TRAPPC9: variants seen among roughly 807,000 people sequenced by gnomAD.
TRAPPC9 encodes the protein trafficking protein particle complex subunit 9, also known as IKK2 binding protein.
Under a neutral mutation model 124.0 loss-of-function variants are expected in TRAPPC9, and 83 were observed. The ratio of observed to expected loss-of-function variants is 0.67; its 90% CI spans 0.56 to 0.80. The LOEUF is 0.80. Ranked by LOEUF, TRAPPC9 falls within the 30% of genes least tolerant of loss-of-function variation. TRAPPC9 has a pLI of 0.00. For synonymous variants in TRAPPC9, 638 were observed against 617.5 expected (o/e 1.03, Z -0.49); for missense variants, 1,302 against 1,508.3 (o/e 0.86, Z 2.27).
intron 16 of TRAPPC9, among the ~76,000 whole-genome samples, chr8:140,251,186 G>A (rs187325505): frequency 1.7e-3 from 253 of 152,328 alleles, no homozygotes; most frequent in African/African-American, 5.7e-3. Context: ...CTAGCCTGGA[G>A]TCCACGTGCC....
intron 7 of TRAPPC9, among the ~76,000 whole-genome samples, chr8:140,376,072 G>A (rs918561682): frequency 1.3e-5 from 2 of 152,102 alleles, no homozygotes; most frequent in Non-Finnish European, 2.9e-5. Context: ...CTCATATCCC[G>A]GAGTAGGGGT....
intron 21 of TRAPPC9, among the ~76,000 whole-genome samples, chr8:139,817,999 G>C (rs565793860): frequency 2.6e-5 from 4 of 152,302 alleles, no homozygotes; most frequent in African/African-American, 9.6e-5. Flanking sequence ...TTAAGCTACC[G>C]TGTGTACCAG....
chr8:140,431,217 G>T (rs534224552), intron 4 of TRAPPC9, among the ~76,000 whole-genome samples: 2 of 152,070 alleles, frequency 1.3e-5, no homozygotes, highest in Admixed American at 1.3e-4. Context: ...AGCACTTTGG[G>T]AGGCCAAGGC....
At chr8:140,265,829 C>T (rs1232079692) in intron 15 of TRAPPC9, among the ~76,000 whole-genome samples, 1 of 152,224 alleles carries the variant, frequency 6.6e-6, no homozygotes, top group Non-Finnish European at 1.5e-5. Context: ...TAGCTCCTAA[C>T]TCCAGGGATG....
At position 140,434,042 on chromosome 8, in the gene TRAPPC9, T is replaced by C. The variant is rs559652662; in HGVS notation, c.859+1070A>G. ...TTGTAACTTCACCTTAGCCTCTGAG[T>C]GGCTGCTTTCCGCAACCAATCAGAC... is the stretch of plus-strand genomic sequence containing the variant. On this transcript the variant is annotated intron_variant, in intron 4 of 22. Transcript: ENST00000438773. Among the ~76,000 whole-genome samples, 18 of 152,348 alleles carry C rather than the reference T, an allele frequency of 1.2e-4. No homozygotes were observed. The East Asian group carries it at 3.5e-3, about 29-fold the overall frequency.
At chr8:140,098,386 A>G (rs2060496292) in intron 17 of TRAPPC9, 1 of 151,316 alleles carries the variant, frequency 6.6e-6, no homozygotes, top group South Asian at 2.1e-4. Context: ...GGTCCTCCGC[A>G]GGCTTCCGCA....
intron 2 of TRAPPC9, among the ~76,000 whole-genome samples, chr8:140,446,293 CAAAAA>C (rs59393001): frequency 1.0e-4 from 11 of 110,320 alleles, no homozygotes; most frequent in African/African-American, 3.5e-4. Flanking sequence ...GACTCTGTCT[CAAAAA>C]AAAAAAAAAA....
intron 15 of TRAPPC9, among the ~76,000 whole-genome samples, chr8:140,256,378 T>C (rs999918483): frequency 1.3e-5 from 2 of 152,170 alleles, no homozygotes; most frequent in African/African-American, 2.4e-5. Context: ...ACATCATCAA[T>C]TGGGTCGCAG....
rs1051628724 is a variant in TRAPPC9 at position 140,442,894 on chromosome 8, G to A, written c.585-3697C>T. ...TCATGCCTGTAATCCCAGCACTATG[G>A]GAGGCCGAGGCAGGCGGATCACAAA... is the stretch of plus-strand genomic sequence containing the variant. On this transcript the variant is annotated intron_variant, in intron 2 of 22. Coordinates refer to ENST00000438773, the MANE Select transcript of TRAPPC9 (RefSeq NM_001160372.4). Among the ~76,000 whole-genome samples, 3 of 151,960 alleles carry A rather than the reference G, an allele frequency of 2.0e-5. No homozygotes were observed. The South Asian group carries it at 6.2e-4, about 32-fold the overall frequency.
chr8:140,184,642 T>C (rs1252646310), intron 17 of TRAPPC9, among the ~76,000 whole-genome samples: 2 of 152,054 alleles, frequency 1.3e-5, no homozygotes, highest in Non-Finnish European at 2.9e-5. Flanking sequence ...AGATACAGGG[T>C]TTTACCATGT....
intron 9 of TRAPPC9, among the ~76,000 whole-genome samples, chr8:140,356,175 T>C (rs557561920): frequency 6.6e-6 from 1 of 152,220 alleles, no homozygotes; most frequent in South Asian, 2.1e-4. Context: ...TCATCAACAA[T>C]ACATGAATGC....
intron 11 of TRAPPC9, among the ~76,000 whole-genome samples, chr8:140,299,898 G>A (rs374378034): frequency 3.9e-5 from 6 of 152,114 alleles, no homozygotes; most frequent in African/African-American, 4.8e-5. Flanking sequence ...AACATAACAC[G>A]ATTACCTCAC....
chr8:139,805,413 G>A (rs1455191916), intron 21 of TRAPPC9, among the ~76,000 whole-genome samples: 1 of 152,230 alleles, frequency 6.6e-6, no homozygotes, highest in Non-Finnish European at 1.5e-5. Context: ...GTGGGGACCT[G>A]CAGACCTGGC....
chr8:139,731,795 G>A (rs1360055666), intron 22 of TRAPPC9, among the ~76,000 whole-genome samples, 184 bp downstream of exon 22: 1 of 152,174 alleles, frequency 6.6e-6, no homozygotes, highest in Non-Finnish European at 1.5e-5. Flanking sequence ...AGAGACAGGT[G>A]AGCTTGTCTA....
At chr8:140,070,236 C>T (rs539469559) in intron 17 of TRAPPC9, among the ~76,000 whole-genome samples, 2 of 152,176 alleles carry the variant, frequency 1.3e-5, no homozygotes, top group Non-Finnish European at 2.9e-5. Flanking sequence ...TCACGCATAC[C>T]TTTTTTTCTA....
intron 19 of TRAPPC9, among the ~76,000 whole-genome samples, chr8:139,968,030 A>G (rs1835819479): frequency 6.6e-6 from 1 of 151,800 alleles, no homozygotes; most frequent in Non-Finnish European, 1.5e-5. Context: ...AATCCCAGCT[A>G]CTCAGGAGGC....
intron 21 of TRAPPC9, among the ~76,000 whole-genome samples, chr8:139,778,921 C>A (rs760380382): frequency 6.6e-6 from 1 of 152,068 alleles, no homozygotes; most frequent in African/African-American, 2.4e-5. Context: ...ATCCAAGAAG[C>A]TACACAAATC....
intron 5 of TRAPPC9, among the ~76,000 whole-genome samples, chr8:140,422,496 G>A (rs966363675): frequency 9.2e-5 from 14 of 152,192 alleles, no homozygotes; most frequent in East Asian, 3.9e-4. Context: ...GCTCACGCCT[G>A]TAATCCCAAC....
At position 140,231,481 on chromosome 8, in the gene TRAPPC9, C is replaced by CTTT. The variant is rs71320347; in HGVS notation, c.2432-9901_2432-9899dup. On this transcript the variant is annotated intron_variant, in intron 16 of 22. Transcript: ENST00000438773. Reference sequence around the variant, plus strand: ...AACTGCTAGTAAATCACTGCCTTTTCTTTTTTTTTTTTTTTTTTTTTTTTT... The same window carrying CTTT: ...AACTGCTAGTAAATCACTGCCTTTTCTTTTTTTTTTTTTTTTTTTTTTTTTTTT... 4.3e-3 allele frequency among the ~76,000 whole-genome samples: 245 copies of CTTT among 57,022 alleles called. 45 individuals are homozygous for CTTT. The highest frequency in any genetic ancestry group is 0.015 in the African/African-American group (210 of 13,788). 37.4% of individuals were successfully genotyped at this position (57,022 alleles called of 152,430 possible). A position where few individuals can be genotyped will look rare whatever the true frequency, so the allele number is the denominator to read the frequency against.
Sources: gnomAD v4.1 joint callset for allele counts (sites outside exome capture counted in the v4.1 genomes callset) on GRCh38, gnomAD v4.1.1 for gene constraint, MANE v1.5 for transcripts, NCBI Gene and HGNC (gene_info 2026-07-23, HGNC 2026-07-21) for gene names.